Variants in ARHGAP15 observed in about 807,000 individuals in gnomAD.
ARHGAP15 encodes the protein rho GTPase-activating protein 15.
In ARHGAP15, 51 loss-of-function variants were observed where a neutral mutation model predicts 63.7. The ratio of observed to expected loss-of-function variants is 0.80; its 90% CI spans 0.64 to 1.01. The LOEUF is 1.01. Among genes scored for constraint, ARHGAP15 ranks in the 50% least tolerant of loss-of-function variants. The pLI, the probability that ARHGAP15 is intolerant of heterozygous loss-of-function variation, is 0.00. For missense variants in ARHGAP15, 560 were observed against 564.6 expected (o/e 0.99, Z 0.08); for synonymous variants, 191 against 193.8 (o/e 0.99, Z 0.12).
chr2:143,716,422 C>T (rs1214701092), intron 13 of ARHGAP15, among the ~76,000 whole-genome samples: 1 of 152,164 alleles, frequency 6.6e-6, no homozygotes, highest in Non-Finnish European at 1.5e-5. Flanking sequence ...TTTATTTCTA[C>T]ATCTTCTGTC....
chr2:143,585,190 A>G (rs573001786), intron 11 of ARHGAP15, among the ~76,000 whole-genome samples: 1 of 152,326 alleles, frequency 6.6e-6, no homozygotes, highest in Admixed American at 6.5e-5. Context: ...TTGTAATTGT[A>G]TGTTGACTGA....
chr2:143,199,718 A>G (rs1471208980), intron 2 of ARHGAP15, among the ~76,000 whole-genome samples: 3 of 152,128 alleles, frequency 2.0e-5, no homozygotes, highest in African/African-American at 7.2e-5. Flanking sequence ...TGAGAAATGT[A>G]GCATCTAGAA....
chr2:143,346,232 T>TCACA (rs1221198422), intron 6 of ARHGAP15, among the ~76,000 whole-genome samples: 1 of 47,620 alleles, frequency 2.1e-5, no homozygotes, highest in African/African-American at 1.1e-4. Context: ...ACACACACTC[T>TCACA]CTCTCACACA....
intron 6 of ARHGAP15, among the ~76,000 whole-genome samples, chr2:143,253,720 AATATACATGT>A (rs1394975854): frequency 6.8e-6 from 1 of 147,606 alleles, no homozygotes; most frequent in Non-Finnish European, 1.5e-5. Flanking sequence ...TATATACATG[AATATACATGT>A]ATAAAATATA....
rs531735061 is a variant in ARHGAP15, at chr2:143,471,066, T to C, written c.704-16307T>C. Among the ~76,000 whole-genome samples, 326 of 149,552 alleles carry C rather than the reference T, an allele frequency of 2.2e-3. 1 individual carries two copies. The highest frequency in any genetic ancestry group is 3.6e-3 in the Non-Finnish European group (243 of 67,106). On this transcript the variant is annotated intron_variant, in intron 8 of 13. Coordinates refer to ENST00000295095, the MANE Select transcript of ARHGAP15 (RefSeq NM_018460.4). Reference sequence around the variant, plus strand: ...ACACACATGTGTGCATATATACACATATGATACACATGTATAAATGTATAT... The same window carrying C: ...ACACACATGTGTGCATATATACACACATGATACACATGTATAAATGTATAT...
At chr2:143,766,094 T>C (rs747137348) in intron 13 of ARHGAP15, among the ~76,000 whole-genome samples, 9 of 152,044 alleles carry the variant, frequency 5.9e-5, no homozygotes. Context: ...ATGGACGGCA[T>C]GGCCTCTTGG....
chr2:143,429,769 A>G (rs1162058216), intron 6 of ARHGAP15, among the ~76,000 whole-genome samples: 1 of 152,182 alleles, frequency 6.6e-6, no homozygotes, highest in Non-Finnish European at 1.5e-5. Context: ...CAGAGTAATT[A>G]TAACATAAGG....
intron 10 of ARHGAP15, among the ~76,000 whole-genome samples, chr2:143,551,946 C>A (rs575904696): frequency 1.3e-5 from 2 of 152,164 alleles, no homozygotes; most frequent in African/African-American, 4.8e-5. Flanking sequence ...TGAATGGCAC[C>A]AGAGCTTCTC....
intron 12 of ARHGAP15, among the ~76,000 whole-genome samples, chr2:143,642,354 C>T (rs1574756785): frequency 6.6e-6 from 1 of 151,884 alleles, no homozygotes; most frequent in Non-Finnish European, 1.5e-5. Context: ...CTTTTTGATC[C>T]AACTCACCTT....
chr2:143,239,686 CAA>C (rs1009316697), intron 5 of ARHGAP15, among the ~76,000 whole-genome samples: 11 of 152,016 alleles, frequency 7.2e-5, no homozygotes, highest in Non-Finnish European at 1.5e-5. Flanking sequence ...CCTGTCTCTA[CAA>C]AAGTTTTTTT....
At chr2:143,297,700 AG>A (rs1407355974) in intron 6 of ARHGAP15, among the ~76,000 whole-genome samples, 1 of 151,982 alleles carries the variant, frequency 6.6e-6, no homozygotes, top group Non-Finnish European at 1.5e-5. Flanking sequence ...TAAAAGGAAA[AG>A]TCTTCCTGTA....
At chr2:143,256,561 A>C (rs1453232305) in intron 6 of ARHGAP15, among the ~76,000 whole-genome samples, 1 of 152,108 alleles carries the variant, frequency 6.6e-6, no homozygotes, top group East Asian at 1.9e-4. Flanking sequence ...AAACTTGCAA[A>C]AGGTAACATA....
At chr2:143,645,944 A>T (rs1470594132) in intron 12 of ARHGAP15, among the ~76,000 whole-genome samples, 2 of 152,110 alleles carry the variant, frequency 1.3e-5, no homozygotes, top group Non-Finnish European at 2.9e-5. Flanking sequence ...CTGAAGCAAA[A>T]CACATGAAGT....
chr2:143,138,366 T>G (rs1429973766), intron 1 of ARHGAP15, among the ~76,000 whole-genome samples: 1 of 152,120 alleles, frequency 6.6e-6, no homozygotes, highest in Non-Finnish European at 1.5e-5. Flanking sequence ...GTCCATGTTA[T>G]TTTCAGTATG....
intron 6 of ARHGAP15, among the ~76,000 whole-genome samples, chr2:143,358,936 C>A (rs1297436444): frequency 2.0e-5 from 3 of 148,406 alleles, no homozygotes; most frequent in Non-Finnish European, 3.0e-5. Flanking sequence ...AAAAAAAAAA[C>A]CAACTGATAA....
chr2:143,634,935 C>G (rs1008935039), intron 12 of ARHGAP15, among the ~76,000 whole-genome samples: 3 of 151,980 alleles, frequency 2.0e-5, no homozygotes, highest in Non-Finnish European at 4.4e-5. Flanking sequence ...GAAATATTAG[C>G]AAATCTGTGA....
chr2:143,397,011 A>G (rs1467076273), intron 6 of ARHGAP15, among the ~76,000 whole-genome samples: 1 of 152,096 alleles, frequency 6.6e-6, no homozygotes, highest in East Asian at 1.9e-4. Context: ...AGTCTTTGAC[A>G]TTTCTTTTTG....
chr2:143,530,021 G>A (rs987389437), intron 10 of ARHGAP15, among the ~76,000 whole-genome samples: 2 of 152,138 alleles, frequency 1.3e-5, no homozygotes, highest in Admixed American at 1.3e-4. Flanking sequence ...CATAATGGAT[G>A]ATTAAATGGA....
intron 11 of ARHGAP15, chr2:143,593,410 G>A (rs1341387782): frequency 1.3e-5 from 2 of 152,170 alleles, no homozygotes; most frequent in Admixed American, 6.5e-5. Flanking sequence ...TTACACAAAT[G>A]TTTTGAAGAT....
Sources: gnomAD v4.1 joint callset for allele counts (sites outside exome capture counted in the v4.1 genomes callset) on GRCh38, gnomAD v4.1.1 for gene constraint, MANE v1.5 for transcripts, NCBI Gene and HGNC (gene_info 2026-07-23, HGNC 2026-07-21) for gene names.